BEND5: variants seen among roughly 807,000 people sequenced by gnomAD.
The protein encoded by BEND5 is BEN domain containing 5.
A neutral mutation model predicts 43.9 loss-of-function variants in BEND5; 22 were observed. That is an observed-to-expected ratio of 0.50 (90% CI 0.36 to 0.72). BEND5 has a LOEUF of 0.72. Among genes scored for constraint, BEND5 ranks in the 30% least tolerant of loss-of-function variants. The pLI is 0.00. For synonymous variants in BEND5, 228 were observed against 225.9 expected, an observed-to-expected ratio of 1.01 and a Z score of -0.08; for missense variants, 428 against 550.6, an observed-to-expected ratio of 0.78 and a Z score of 2.23.
At chr1:48,741,195 C>A (rs960012963) in intron 4 of BEND5, among the ~76,000 whole-genome samples, 4 of 152,190 alleles carry the variant, frequency 2.6e-5, no homozygotes, top group Non-Finnish European at 5.9e-5. Context: ...AAAAAGAAAT[C>A]AACAAACATA....
chr1:48,741,609 T>A (rs1649922729), intron 4 of BEND5, among the ~76,000 whole-genome samples: 1 of 152,250 alleles, frequency 6.6e-6, no homozygotes. Context: ...TTTCATTTCC[T>A]CAGCTTGACA....
rs977007406 is a variant in BEND5 at position 48,761,268 on chromosome 1, A to C, written c.360+69T>G. ...TACATGGGGAGAGGAAGCCAGACTG[A>C]AACTCTTTAGCTACGAGATATCTGA... On this transcript the variant is annotated intron_variant, in intron 2 of 5. Coordinates refer to ENST00000371833, the MANE Select transcript of BEND5 (RefSeq NM_024603.4). 8 of 1,458,972 alleles carry C rather than the reference A, an allele frequency of 5.5e-6. No homozygotes were observed. The South Asian group carries it at 1.1e-4, about 20-fold the overall frequency. The allele number at this position is 1,458,972 out of a possible 1,614,324, so 90.4% of individuals were successfully genotyped here.
intron 1 of BEND5, among the ~76,000 whole-genome samples, chr1:48,764,327 C>G (rs1644423128): frequency 6.6e-6 from 1 of 152,166 alleles, no homozygotes; most frequent in Admixed American, 6.5e-5. Context: ...AATTCCTACT[C>G]ACGTTGCAGA....
chr1:48,751,770 T>C (rs941151960), intron 3 of BEND5, among the ~76,000 whole-genome samples: 1 of 152,152 alleles, frequency 6.6e-6, no homozygotes, highest in Non-Finnish European at 1.5e-5. Context: ...TCTAAATACC[T>C]AGGCAGTTGT....
At chr1:48,768,815 C>T (rs1242542588) in intron 1 of BEND5, among the ~76,000 whole-genome samples, 2 of 152,148 alleles carry the variant, frequency 1.3e-5, no homozygotes, top group East Asian at 1.9e-4. Flanking sequence ...ATACAAAAAT[C>T]CTGTGCAGTT....
intron 4 of BEND5, among the ~76,000 whole-genome samples, chr1:48,739,351 T>C (rs1470271157): frequency 1.3e-5 from 2 of 152,248 alleles, no homozygotes; most frequent in Non-Finnish European, 2.9e-5. Flanking sequence ...CTCTGGAATT[T>C]TGAATGGCTC....
In BEND5 at chr1:48,736,093, G is replaced by A. The variant is rs1648995915; in HGVS notation, c.1108+146C>T. 1.3e-5 allele frequency: 11 copies of A among 833,244 alleles called. No individual in the cohort carries two copies. Among genetic ancestry groups the A allele is most frequent in the Non-Finnish European group, 2.1e-5 (11 of 521,656 alleles). 51.6% of individuals were successfully genotyped at this position (833,244 alleles called of 1,614,324 possible). A position where few individuals can be genotyped will look rare whatever the true frequency, so the allele number is the denominator to read the frequency against. On this transcript the variant is annotated intron_variant, in intron 5 of 5. Coordinates refer to ENST00000371833, the MANE Select transcript of BEND5 (RefSeq NM_024603.4). The surrounding 1 kb of genome is among the most constrained non-coding windows in gnomAD (Gnocchi z 4.0). The stretch of plus-strand genomic sequence containing the variant: ...ATGTGAGCTCTTCTGGGGCATTTGG[G>A]TTATCCGCTTGGTGTCCCCGGGCTC...
intron 3 of BEND5, among the ~76,000 whole-genome samples, chr1:48,755,271 A>C (rs1360439991): frequency 6.6e-6 from 1 of 152,116 alleles, no homozygotes; most frequent in African/African-American, 2.4e-5. Flanking sequence ...GCTGCTCTCC[A>C]CTACCATCTA....
chr1:48,737,351 C>A (rs750431796), intron 4 of BEND5, among the ~76,000 whole-genome samples: 3 of 152,130 alleles, frequency 2.0e-5, no homozygotes, highest in Non-Finnish European at 4.4e-5. Context: ...CCTAGAGATT[C>A]TGATTTATTT....
At chr1:48,760,529 T>C (rs1644201346) in intron 2 of BEND5, among the ~76,000 whole-genome samples, 2 of 152,212 alleles carry the variant, frequency 1.3e-5, no homozygotes, top group African/African-American at 4.8e-5. Flanking sequence ...AAAGTGATCG[T>C]TACAATATGT....
chr1:48,770,190 A>G (rs1219368019), intron 1 of BEND5, among the ~76,000 whole-genome samples: 1 of 152,216 alleles, frequency 6.6e-6, no homozygotes, highest in Non-Finnish European at 1.5e-5. Flanking sequence ...GTGGTGCAAA[A>G]CTGAGAAAAT....
intron 1 of BEND5, among the ~76,000 whole-genome samples, chr1:48,776,098 G>A (rs1327972750): frequency 6.6e-6 from 1 of 152,158 alleles, no homozygotes; most frequent in African/African-American, 2.4e-5. Flanking sequence ...TGTGAGGAGG[G>A]ACTCCCACCT....
At chr1:48,743,428 C>T (rs1400243417) in intron 3 of BEND5, among the ~76,000 whole-genome samples, 1 of 152,160 alleles carries the variant, frequency 6.6e-6, no homozygotes, top group Non-Finnish European at 1.5e-5. Flanking sequence ...GTTATTTTTT[C>T]TCCATTAGCT....
intron 1 of BEND5, among the ~76,000 whole-genome samples, chr1:48,771,606 T>C (rs1214234152): frequency 6.6e-6 from 1 of 152,218 alleles, no homozygotes; most frequent in African/African-American, 2.4e-5. Flanking sequence ...CAGCAAAACA[T>C]GTCAAAACCT....
intron 1 of BEND5, among the ~76,000 whole-genome samples, chr1:48,769,526 AAC>A (rs558937968): frequency 0.036 from 4,674 of 130,238 alleles, 104 homozygotes; most frequent in African/African-American, 0.078. Context: ...GAGGATTTAA[AAC>A]ACACACACAC....
Position 48,773,331 on chromosome 1 carries a change from T to G in BEND5, c.226+3275A>C, listed in dbSNP as rs1431876722. ...GATGATGGTGAGCTCTCCAAATGAGTAGTTCTCACTTTCACAACCTGCTTG... is the reference window on the plus strand; with the variant it reads ...GATGATGGTGAGCTCTCCAAATGAGGAGTTCTCACTTTCACAACCTGCTTG... On this transcript the variant is annotated intron_variant, in intron 1 of 5. Transcript: ENST00000371833. Among the ~76,000 whole-genome samples the G allele has an allele frequency of 2.0e-5, 3 of 151,648 alleles. No homozygotes were observed. In the South Asian group the frequency reaches 6.2e-4, roughly 32 times the overall value.
chr1:48,748,548 T>C (rs1276149629), intron 3 of BEND5, among the ~76,000 whole-genome samples: 1 of 152,124 alleles, frequency 6.6e-6, no homozygotes, highest in Non-Finnish European at 1.5e-5. Context: ...GAAATCTTCA[T>C]AAGGACGGTC....
At chr1:48,729,000 AG>A (rs1323027258) in intron 5 of BEND5, among the ~76,000 whole-genome samples, 3 of 152,220 alleles carry the variant, frequency 2.0e-5, no homozygotes, top group African/African-American at 7.2e-5. Flanking sequence ...GCTCCAGACA[AG>A]GTCTGGCTGG....
At chr1:48,739,396 G>A (rs1488461742) in intron 4 of BEND5, among the ~76,000 whole-genome samples, 1 of 152,134 alleles carries the variant, frequency 6.6e-6, no homozygotes, top group Non-Finnish European at 1.5e-5. Flanking sequence ...AACTTCCTCA[G>A]CCTGGCTTTG....
Sources: allele counts gnomAD v4.1 joint callset (sites outside exome capture counted in the v4.1 genomes callset), GRCh38; gene constraint gnomAD v4.1.1; non-coding constraint Gnocchi (gnomAD v3.1); transcripts MANE v1.5; gene names NCBI Gene and HGNC (gene_info 2026-07-23, HGNC 2026-07-21).